AARS1: variants seen among roughly 807,000 people sequenced by gnomAD.
AARS1 encodes the protein alanine--tRNA ligase, cytoplasmic.
AARS1 carries 72 observed loss-of-function variants against 108.9 expected under a neutral mutation model. That is an observed-to-expected ratio of 0.66 (90% confidence interval 0.55 to 0.80). The LOEUF (loss-of-function observed/expected upper bound fraction) is 0.80. Ranked by LOEUF, AARS1 falls within the 30% of genes least tolerant of loss-of-function variation. The pLI is 0.00. For synonymous variants in AARS1, 489 were observed against 465.7 expected, an observed-to-expected ratio of 1.05 and a Z score of -0.64; for missense variants, 1,193 against 1,233.2, an observed-to-expected ratio of 0.97 and a Z score of 0.49.
Position 70,289,450 on chromosome 16 carries a change from C to T in AARS1, c.-51G>A. ...CCTAGGGTCGCCGTCCCCAGCTCCT[C>T]CCTCAGAGTCCCCCGCCAAGGGCCC... is the stretch of plus-strand genomic sequence containing the variant. On this transcript the variant is annotated 5_prime_UTR_variant, in exon 1 of 21. Coordinates refer to ENST00000261772, the MANE Select transcript of AARS1 (RefSeq NM_001605.3). 2.4e-6 allele frequency: 1 copy of T among 414,770 alleles called. No individual in the cohort carries two copies. Among genetic ancestry groups the T allele is most frequent in the Non-Finnish European group, 4.9e-6 (1 of 205,740 alleles). 25.7% of individuals were successfully genotyped at this position (414,770 alleles called of 1,614,324 possible).
chr16:70,285,508 G>C (rs1046854580), intron 1 of AARS1, among the ~76,000 whole-genome samples: 1 of 151,968 alleles, frequency 6.6e-6, no homozygotes, highest in Admixed American at 6.6e-5. Context: ...GAGCGCTGTG[G>C]CGCAATCTCA....
rs763662656 is a variant in AARS1 at position 70,264,909 on chromosome 16, C to A, written c.1492+49G>T. Reference sequence around the variant, plus strand: ...TGAGAAACAATCTTTCAAATACCCCCCAGATACGGGGCAGAATGCTCAGAT... The same window carrying A: ...TGAGAAACAATCTTTCAAATACCCCACAGATACGGGGCAGAATGCTCAGAT... On this transcript the variant is annotated intron_variant, in intron 11 of 20. Transcript: ENST00000261772. 3.1e-6 allele frequency: 5 copies of A among 1,612,260 alleles called. No homozygotes were observed. In the East Asian group the frequency reaches 1.1e-4, roughly 36 times the overall value.
At chr16:70,255,194 ATTT>A (rs946837808) in intron 16 of AARS1, among the ~76,000 whole-genome samples, 1 of 104,268 alleles carries the variant, frequency 9.6e-6, no homozygotes. Context: ...CCAGATTCAC[ATTT>A]TTTTTTTTTT....
chr16:70,267,706 A>G lies in AARS1; in HGVS notation c.1175T>C (p.Ile392Thr). The G allele has an allele frequency of 6.2e-7, 1 of 1,614,174 alleles. No individual in the cohort carries two copies. The highest frequency in any genetic ancestry group is 8.5e-7 in the Non-Finnish European group (1 of 1,180,036). Residue 392 changes from isoleucine (I) to threonine (T), a missense_variant, in exon 9 of 21, where the codon ATC becomes ACC. Ile to Thr is a moderately conservative substitution (Grantham distance 89, BLOSUM62 -1). Coordinates refer to ENST00000261772, the MANE Select transcript of AARS1 (RefSeq NM_001605.3). ...CAGGCTCTGAATTTTCCTGTCCAGG[A>G]TGCGACGCCCTCTGCTGAGAGTCTT... is the stretch of plus-strand genomic sequence containing the variant. ...FLKTLSRGRR[I>T]LDRKIQSLGD...
chr16:70,272,280 G>A (rs903632977), intron 4 of AARS1, among the ~76,000 whole-genome samples: 6 of 151,860 alleles, frequency 4.0e-5, no homozygotes, highest in South Asian at 2.1e-4. Context: ...CGAGGCGGGC[G>A]GATCACCTGA....
At chr16:70,262,318 G>C in intron 12 of AARS1, 28 bp downstream of exon 12, 1 of 1,613,908 alleles carries the variant, frequency 6.2e-7, no homozygotes, top group Non-Finnish European at 8.5e-7. Flanking sequence ...GGCCCTCCTC[G>C]GCTAACAAGG....
intron 4 of AARS1, among the ~76,000 whole-genome samples, chr16:70,273,828 A>G (rs1188223808): frequency 1.5e-5 from 2 of 134,834 alleles, no homozygotes; most frequent in Non-Finnish European, 3.0e-5. Context: ...GCGCCACTGC[A>G]CTCCAGCATG....
chr16:70,269,202 C>A (rs1960333782), intron 7 of AARS1, among the ~76,000 whole-genome samples: 2 of 151,964 alleles, frequency 1.3e-5, no homozygotes, highest in Admixed American at 6.6e-5. Context: ...TGCCTGTAAT[C>A]CCATCTATTC....
chr16:70,259,987 G>C (rs1041770319), intron 13 of AARS1, among the ~76,000 whole-genome samples: 4 of 152,092 alleles, frequency 2.6e-5, no homozygotes, highest in Non-Finnish European at 5.9e-5. Flanking sequence ...GGTCAGGCTG[G>C]TCTCGAACTC....
At chr16:70,278,888 A>G (rs1960620693) in intron 2 of AARS1, among the ~76,000 whole-genome samples, 1 of 152,154 alleles carries the variant, frequency 6.6e-6, no homozygotes, top group African/African-American at 2.4e-5. Context: ...TCAAGTCCAC[A>G]CTGGCACTTA....
rs149254405 is a variant in AARS1, at chr16:70,272,930, T to C, written c.480-958A>G. On this transcript the variant is annotated intron_variant, in intron 4 of 20. Transcript: ENST00000261772. ...CACACACACACACACACACAAAAGA[T>C]TGTGCTTGCTTATCTTTTAAAAGCT... 2.4e-3 allele frequency among the ~76,000 whole-genome samples: 212 copies of C among 88,092 alleles called. 5 individuals are homozygous for C. Among genetic ancestry groups the C allele is most frequent in the African/African-American group, 0.013 (192 of 14,596 alleles). 57.8% of individuals were successfully genotyped at this position (88,092 alleles called of 152,430 possible).
In AARS1 at chr16:70,252,321, C is replaced by A. The variant is rs766123617; in HGVS notation, c.*400G>T. 5 of 333,318 alleles carry A rather than the reference C, an allele frequency of 1.5e-5. No individual in the cohort carries two copies. The highest frequency in any genetic ancestry group is 2.2e-5 in the Non-Finnish European group (4 of 178,970). 20.6% of individuals were successfully genotyped at this position (333,318 alleles called of 1,614,324 possible). On this transcript the variant is annotated 3_prime_UTR_variant, in exon 21 of 21. Coordinates refer to ENST00000261772, the MANE Select transcript of AARS1 (RefSeq NM_001605.3). ...AGCAGGAGCCACAGCATTTATTCTA[C>A]AGACGCCAAAGGCTGTCAAAAGAGC...
At chr16:70,288,314 T>C (rs1463657530) in intron 1 of AARS1, among the ~76,000 whole-genome samples, 6 of 150,010 alleles carry the variant, frequency 4.0e-5, no homozygotes, top group African/African-American at 1.5e-4. Flanking sequence ...TTTCACCGTG[T>C]TAGCCAGGAT....
intron 11 of AARS1, among the ~76,000 whole-genome samples, chr16:70,263,614 C>CA (rs1282911376): frequency 6.6e-6 from 1 of 151,798 alleles, no homozygotes; most frequent in Admixed American, 6.6e-5. Context: ...AAAAAAGCTG[C>CA]AAAAACATGT....
chr16:70,288,488 G>A (rs913260421), intron 1 of AARS1, among the ~76,000 whole-genome samples: 3 of 150,978 alleles, frequency 2.0e-5, no homozygotes, highest in African/African-American at 7.3e-5. Context: ...TTCCATACGC[G>A]CTTCATGGAT....
chr16:70,270,500 G>A (rs992670581), intron 5 of AARS1, among the ~76,000 whole-genome samples, 160 bp from the exon 6 acceptor site: 7 of 152,200 alleles, frequency 4.6e-5, no homozygotes, highest in Non-Finnish European at 5.9e-5. Flanking sequence ...AGAAAGGAAG[G>A]AGAAAGGAAG....
rs1567601605 is a variant in AARS1, at chr16:70,255,193, C to CTTTTT, written c.2287-460_2287-459insAAAAA. On this transcript the variant is annotated intron_variant, in intron 16 of 20. Transcript: ENST00000261772. ...AGGAGGGGGTAGATGGCCAGATTCACATTTTTTTTTTTTTTTTTTTTTTGG... is the reference window on the plus strand; with the variant it reads ...AGGAGGGGGTAGATGGCCAGATTCACTTTTTATTTTTTTTTTTTTTTTTTTTTTGG... Among the ~76,000 whole-genome samples, 62 of 124,750 alleles carry CTTTTT rather than the reference C, an allele frequency of 5.0e-4. 1 individual carries two copies. The highest frequency in any genetic ancestry group is 1.9e-3 in the African/African-American group (60 of 31,474). 81.8% of individuals were successfully genotyped at this position (124,750 alleles called of 152,430 possible).
intron 4 of AARS1, among the ~76,000 whole-genome samples, chr16:70,272,970 T>G (rs1276432399): frequency 6.6e-6 from 1 of 151,406 alleles, no homozygotes; most frequent in East Asian, 1.9e-4. Context: ...TTTTAAAGTG[T>G]AGATATACAG....
chr16:70,254,751 G>T lies in AARS1; in HGVS notation c.2287-17C>A. 1.3e-6 allele frequency: 2 copies of T among 1,549,342 alleles called. No homozygotes were observed. The highest frequency in any genetic ancestry group is 1.8e-6 in the Non-Finnish European group (2 of 1,121,652). ...CCTGAGGGCCTGGGAGGGGACACCG[G>T]GTCAACCCCAAGCAGGAGGTCTGAG... is the stretch of plus-strand genomic sequence containing the variant. On this transcript the variant is annotated splice_polypyrimidine_tract_variant and intron_variant, in intron 16 of 20. Coordinates refer to ENST00000261772, the MANE Select transcript of AARS1 (RefSeq NM_001605.3).
Sources: allele counts gnomAD v4.1 joint callset (sites outside exome capture counted in the v4.1 genomes callset), GRCh38; gene constraint gnomAD v4.1.1; transcripts MANE v1.5; gene names NCBI Gene and HGNC (gene_info 2026-07-23, HGNC 2026-07-21).